STXBP4: variants seen among roughly 807,000 people sequenced by gnomAD.
STXBP4 encodes the protein syntaxin-binding protein 4.
In STXBP4, 55 loss-of-function variants were observed where a neutral mutation model predicts 76.1. The observed-to-expected ratio is 0.72, with a 90% confidence interval of 0.58 to 0.91. The LOEUF (loss-of-function observed/expected upper bound fraction) is 0.91. Ranked by LOEUF, STXBP4 falls within the 40% of genes least tolerant of loss-of-function variation. The pLI, the probability that STXBP4 is intolerant of heterozygous loss-of-function variation, is 0.00. For missense variants in STXBP4, 618 were observed against 636.9 expected (o/e 0.97, Z 0.32); for synonymous variants, 201 against 220.2 (o/e 0.91, Z 0.77).
At chr17:55,124,608 T>C (rs533351455) in intron 16 of STXBP4, among the ~76,000 whole-genome samples, 2 of 152,352 alleles carry the variant, frequency 1.3e-5, no homozygotes, top group Non-Finnish European at 2.9e-5. Context: ...TGAGTTTACC[T>C]TTACAGTGTA....
At chr17:55,190,889 C>T in the STXBP4 span, among the ~76,000 whole-genome samples, 2 of 152,164 alleles carry the variant, frequency 1.3e-5, no homozygotes, top group African/African-American at 4.8e-5. Context: ...TGCTGACTTG[C>T]TCACATTTCC....
intron 17 of STXBP4, among the ~76,000 whole-genome samples, chr17:55,150,569 A>G (rs2080204864): frequency 6.6e-6 from 1 of 152,234 alleles, no homozygotes; most frequent in Non-Finnish European, 1.5e-5. Context: ...ATTACATTTC[A>G]TAAGGTCCCT....
Position 55,000,823 on chromosome 17 carries a change from A to C in STXBP4, c.514A>C (p.Asn172His). Residue 172 changes from asparagine to histidine, a missense_variant, in exon 7 of 18, where the codon AAC (asparagine) becomes CAC (histidine). Asn to His is a moderately conservative substitution (Grantham distance 68, BLOSUM62 1). Coordinates refer to ENST00000376352, the MANE Select transcript of STXBP4 (RefSeq NM_178509.6). ...TCTTTCACAGATAAAAACTGGATAC[A>C]ACAAAACAGTACAGATTCCAATTAC... ...LSSCEIKTGYNKTVQIPITSE... is the reference protein window; with the variant it reads ...LSSCEIKTGYHKTVQIPITSE... The C allele has an allele frequency of 6.2e-7, 1 of 1,610,896 alleles. No individual in the cohort carries two copies. Among genetic ancestry groups the C allele is most frequent in the South Asian group, 1.1e-5 (1 of 90,930 alleles).
chr17:55,127,536 A>G (rs1363804094), intron 16 of STXBP4, among the ~76,000 whole-genome samples: 3 of 152,232 alleles, frequency 2.0e-5, no homozygotes, highest in African/African-American at 4.8e-5. Context: ...GATAAACTAT[A>G]CAGTCAGAAC....
chr17:55,105,591 T>A (rs188022137), intron 16 of STXBP4, among the ~76,000 whole-genome samples: 84 of 151,108 alleles, frequency 5.6e-4, no homozygotes, highest in African/African-American at 1.9e-3. Flanking sequence ...TGCCTCAGCC[T>A]CCCAAGTAGC....
At position 55,015,646 on chromosome 17, in the gene STXBP4, C is replaced by CATA. The variant is rs1198533652; in HGVS notation, c.666+8052_666+8054dup. Among the ~76,000 whole-genome samples the CATA allele has an allele frequency of 2.0e-5, 3 of 152,032 alleles. No individual in the cohort carries two copies. The East Asian group carries it at 5.8e-4, about 29-fold the overall frequency. On this transcript the variant is annotated intron_variant, in intron 8 of 17. Transcript: ENST00000376352. ...TCCTCCTCCCACTGCTTGGAGTGGGCATAATCGGGGAATATTGGCACTCTT... is the reference window on the plus strand; with the variant it reads ...TCCTCCTCCCACTGCTTGGAGTGGGCATAATAATCGGGGAATATTGGCACTCTT...
At chr17:55,044,674 A>G (rs1293230550) in intron 11 of STXBP4, 1 of 152,060 alleles carries the variant, frequency 6.6e-6, no homozygotes, top group Non-Finnish European at 1.5e-5. Flanking sequence ...AAATATATGT[A>G]TATGTGGGGA....
intron 16 of STXBP4, among the ~76,000 whole-genome samples, chr17:55,102,648 G>A (rs1010113991): frequency 1.3e-5 from 2 of 152,134 alleles, no homozygotes; most frequent in African/African-American, 4.8e-5. Context: ...ACGCAGTAAT[G>A]GGATTGCTGG....
intron 17 of STXBP4, among the ~76,000 whole-genome samples, chr17:55,158,005 C>T (rs2080300460): frequency 6.6e-6 from 1 of 152,136 alleles, no homozygotes; most frequent in Admixed American, 6.5e-5. Flanking sequence ...AGTAAAGAAA[C>T]CTATTCAATT....
intron 16 of STXBP4, among the ~76,000 whole-genome samples, chr17:55,120,958 T>C (rs1443033121): frequency 6.6e-6 from 1 of 152,194 alleles, no homozygotes; most frequent in Non-Finnish European, 1.5e-5. Context: ...ATGGAATTTT[T>C]TTCTTTAGTT....
At chr17:55,012,189 C>T (rs2078127898) in intron 8 of STXBP4, among the ~76,000 whole-genome samples, 1 of 152,118 alleles carries the variant, frequency 6.6e-6, no homozygotes, top group African/African-American at 2.4e-5. Flanking sequence ...CTTCACAGTG[C>T]ACCATTGGTT....
chr17:54,997,273 G>A (rs1386699936), intron 4 of STXBP4, among the ~76,000 whole-genome samples: 1 of 152,024 alleles, frequency 6.6e-6, no homozygotes, highest in Non-Finnish European at 1.5e-5. Flanking sequence ...TAACTGCTAT[G>A]AATACTTTTT....
intron 12 of STXBP4, among the ~76,000 whole-genome samples, chr17:55,061,427 T>C (rs1479369234): frequency 1.3e-5 from 2 of 152,174 alleles, no homozygotes; most frequent in Non-Finnish European, 2.9e-5. Flanking sequence ...CACTAGTAGG[T>C]GTTTTAAGAT....
At chr17:55,179,169 C>T in the STXBP4 span, among the ~76,000 whole-genome samples, 9 of 152,030 alleles carry the variant, frequency 5.9e-5, no homozygotes, top group Non-Finnish European at 2.9e-5. Context: ...TTTTTCTTCC[C>T]TTAGGAAATT....
the STXBP4 span, among the ~76,000 whole-genome samples, chr17:55,207,305 C>T: frequency 4.6e-5 from 7 of 152,274 alleles, no homozygotes; most frequent in East Asian, 9.7e-4. Flanking sequence ...GGCATGTACA[C>T]CCCAACTCCC....
At chr17:55,091,015 G>GT (rs1263386271) in intron 16 of STXBP4, among the ~76,000 whole-genome samples, 1 of 152,048 alleles carries the variant, frequency 6.6e-6, no homozygotes, top group Non-Finnish European at 1.5e-5. Flanking sequence ...TGGAGCTAAG[G>GT]TTTCTACACC....
chr17:55,036,810 A>T (rs1406146649), intron 10 of STXBP4, among the ~76,000 whole-genome samples: 1 of 152,052 alleles, frequency 6.6e-6, no homozygotes, highest in Non-Finnish European at 1.5e-5. Context: ...TTATATTTAG[A>T]GCTCTACTGT....
intron 16 of STXBP4, among the ~76,000 whole-genome samples, chr17:55,100,262 GT>G (rs1483503941): frequency 1.3e-5 from 2 of 152,192 alleles, no homozygotes; most frequent in African/African-American, 4.8e-5. Flanking sequence ...CATGGGCACA[GT>G]TTTGTTTTGT....
At chr17:55,041,945 A>G (rs950834163) in intron 10 of STXBP4, among the ~76,000 whole-genome samples, 4 of 152,194 alleles carry the variant, frequency 2.6e-5, no homozygotes, top group African/African-American at 9.7e-5. Context: ...TTAACAATAC[A>G]GAAATGAATT....
Sources: allele counts gnomAD v4.1 joint callset (sites outside exome capture counted in the v4.1 genomes callset), GRCh38; gene constraint gnomAD v4.1.1; transcripts MANE v1.5; gene names NCBI Gene and HGNC (gene_info 2026-07-23, HGNC 2026-07-21).